The following RXRG variants were observed in gnomAD, a reference collection of about 807,000 sequenced individuals.
RXRG encodes the protein retinoic acid receptor RXR-gamma.
In RXRG, 19 loss-of-function variants were observed where a neutral mutation model predicts 49.2. The ratio of observed to expected loss-of-function variants is 0.39; its 90% CI spans 0.27 to 0.57. The LOEUF (loss-of-function observed/expected upper bound fraction) is 0.57. Ranked by LOEUF, RXRG falls within the 20% of genes least tolerant of loss-of-function variation. RXRG has a pLI of 0.64. For missense variants in RXRG, 452 were observed against 592.5 expected, an observed-to-expected ratio of 0.76 and a Z score of 2.46; for synonymous variants, 224 against 216.6, an observed-to-expected ratio of 1.03 and a Z score of -0.30.
At chr1:165,434,280 A>ATGTGTGTGTGTGTGTGTGTGTG (rs57708987) in intron 1 of RXRG, among the ~76,000 whole-genome samples, 11 of 131,098 alleles carry the variant, frequency 8.4e-5, no homozygotes, top group African/African-American at 2.3e-4. Context: ...GCATGTGTGT[A>ATGTGTGTGTGTGTGTGTGTGTG]TGTGTGTGTG....
At chr1:165,421,625 G>A (rs1057213325) in intron 2 of RXRG, among the ~76,000 whole-genome samples, 2 of 151,218 alleles carry the variant, frequency 1.3e-5, no homozygotes. Flanking sequence ...CACCTCCCTG[G>A]TTCAAGCAAT....
At chr1:165,414,071 C>T (rs369853365) in intron 4 of RXRG, among the ~76,000 whole-genome samples, 6 of 152,248 alleles carry the variant, frequency 3.9e-5, no homozygotes, top group Non-Finnish European at 5.9e-5. Context: ...GAAATGATGG[C>T]GGTGGACAGG....
chr1:165,431,568 T>G (rs1026500718), intron 1 of RXRG, among the ~76,000 whole-genome samples: 1 of 152,220 alleles, frequency 6.6e-6, no homozygotes, highest in Non-Finnish European at 1.5e-5. Context: ...GGAAATTGAC[T>G]TTTCCTTCTT....
chr1:165,402,052 C>A (rs1231533153), intron 9 of RXRG, among the ~76,000 whole-genome samples: 1 of 151,924 alleles, frequency 6.6e-6, no homozygotes, highest in African/African-American at 2.4e-5. Flanking sequence ...CCACAGTCAC[C>A]AAATTTTTGT....
chr1:165,423,414 A>G (rs1290921510), intron 2 of RXRG, among the ~76,000 whole-genome samples: 2 of 152,166 alleles, frequency 1.3e-5, no homozygotes, highest in Non-Finnish European at 2.9e-5. Context: ...CCAGGGACCA[A>G]TTCATTCTGC....
chr1:165,412,676 T>C (rs1252931218), intron 4 of RXRG, among the ~76,000 whole-genome samples: 1 of 152,156 alleles, frequency 6.6e-6, no homozygotes, highest in Non-Finnish European at 1.5e-5. Flanking sequence ...TCAATACAAA[T>C]AGTTATTTCC....
chr1:165,411,699 C>A (rs1657955437), intron 4 of RXRG, among the ~76,000 whole-genome samples: 2 of 152,160 alleles, frequency 1.3e-5, no homozygotes, highest in Admixed American at 1.3e-4. Context: ...ATTTCAGAAT[C>A]AGTGGCTCAT....
intron 1 of RXRG, among the ~76,000 whole-genome samples, chr1:165,443,613 G>A (rs1659071063): frequency 1.3e-5 from 2 of 152,288 alleles, no homozygotes; most frequent in South Asian, 2.1e-4. Context: ...GTCCCAAAGG[G>A]CAGAGACTGT....
intron 2 of RXRG, 100 bp downstream of exon 2, chr1:165,428,619 A>G: frequency 1.4e-6 from 2 of 1,379,324 alleles, no homozygotes; most frequent in Non-Finnish European, 2.0e-6. Context: ...TTTGGCAAGC[A>G]CGCATTATGG....
Position 165,419,914 on chromosome 1 carries a change from G to T in RXRG, c.398C>A (p.Ser133Tyr), listed in dbSNP as rs755325790. ...GATGGCACAGATGTGTTTAACCAGA[G>T]ATCCGGGGCTGGTGGATGGGTAGTT... ...NMNYPSTSPG[S>Y]LVKHICAICG... The change falls in exon 3 of 10, where the codon TCT becomes TAT. Residue 133 changes from serine (S) to tyrosine (Y), a missense_variant. Coordinates refer to ENST00000359842, the MANE Select transcript of RXRG (RefSeq NM_006917.5). The T allele has an allele frequency of 1.7e-5, 28 of 1,613,542 alleles. No individual in the cohort carries two copies. Among genetic ancestry groups the T allele is most frequent in the Non-Finnish European group, 2.4e-5 (28 of 1,179,694 alleles).
intron 3 of RXRG, 55 bp downstream of exon 3, chr1:165,419,815 G>T (rs1378209221): frequency 6.2e-6 from 9 of 1,449,738 alleles, no homozygotes; most frequent in African/African-American, 5.7e-5. Context: ...CAGGCAGACA[G>T]TGAGCAGCCC....
At chr1:165,422,307 A>C (rs1401391198) in intron 2 of RXRG, among the ~76,000 whole-genome samples, 1 of 152,226 alleles carries the variant, frequency 6.6e-6, no homozygotes, top group East Asian at 1.9e-4. Context: ...TTGAGCCTTA[A>C]AGTGGGTTTA....
At chr1:165,417,589 C>A (rs1190264800) in intron 3 of RXRG, among the ~76,000 whole-genome samples, 2 of 152,106 alleles carry the variant, frequency 1.3e-5, no homozygotes, top group Non-Finnish European at 2.9e-5. Context: ...ATATGCTTGT[C>A]ACGTATTACC....
At chr1:165,411,832 G>A (rs1245650190) in intron 4 of RXRG, among the ~76,000 whole-genome samples, 2 of 152,172 alleles carry the variant, frequency 1.3e-5, no homozygotes, top group Admixed American at 1.3e-4. Context: ...CTATACATTA[G>A]GATTGAAAGC....
chr1:165,409,706 G>A lies in RXRG; in HGVS notation c.914-16C>T. ...TCATTCCACCCTGCAAGGATAAGGA[G>A]GAGGTCTTGAGGGAAAACAGAACAC... On this transcript the variant is annotated splice_polypyrimidine_tract_variant and intron_variant, in intron 6 of 9. Coordinates refer to ENST00000359842, the MANE Select transcript of RXRG (RefSeq NM_006917.5). The A allele has an allele frequency of 6.8e-7, 1 of 1,473,680 alleles. No homozygotes were observed. Among genetic ancestry groups the A allele is most frequent in the Non-Finnish European group, 9.0e-7 (1 of 1,109,840 alleles). The allele number at this position is 1,473,680 out of a possible 1,614,324, so 91.3% of individuals were successfully genotyped here.
intron 1 of RXRG, among the ~76,000 whole-genome samples, chr1:165,430,652 C>T (rs1385605749): frequency 1.3e-5 from 2 of 152,222 alleles, no homozygotes; most frequent in African/African-American, 2.4e-5. Flanking sequence ...GTACCACAAT[C>T]AAGGAGAAAA....
At position 165,424,736 on chromosome 1, in the gene RXRG, C is replaced by G. The variant is rs375998152; in HGVS notation, c.297+3983G>C. The G allele has an allele frequency of 5.7e-5, 56 of 981,994 alleles. No individual in the cohort carries two copies. The East Asian group carries it at 2.6e-3, about 46-fold the overall frequency. 60.8% of individuals were successfully genotyped at this position (981,994 alleles called of 1,614,324 possible). ...AGACACTTCCTCCTCCCTTCACCCC[C>G]CAAATTGTACTTACGCGAGAACCAG... On this transcript the variant is annotated intron_variant, in intron 2 of 9. Transcript: ENST00000359842.
At position 165,407,024 on chromosome 1, in the gene RXRG, G is replaced by GT. The variant is rs1557909592; in HGVS notation, c.1139-108_1139-107insA. 9.7e-6 allele frequency: 7 copies of GT among 719,766 alleles called. No homozygotes were observed. The African/African-American group carries it at 1.2e-4, about 13-fold the overall frequency. The allele number at this position is 719,766 out of a possible 1,614,324, so 44.6% of individuals were successfully genotyped here. ...GAGTTACTAGAGACACCCTGGATGG[G>GT]GACAAGTGTGAAATAAACAAAGCTG... is the stretch of plus-strand genomic sequence containing the variant. On this transcript the variant is annotated intron_variant, in intron 8 of 9. Coordinates refer to ENST00000359842, the MANE Select transcript of RXRG (RefSeq NM_006917.5).
At chr1:165,418,110 CAAAAAAAAAAA>C (rs57782668) in intron 3 of RXRG, among the ~76,000 whole-genome samples, 11 of 73,856 alleles carry the variant, frequency 1.5e-4, no homozygotes, top group African/African-American at 4.3e-4. Flanking sequence ...GATCCCGTCT[CAAAAAAAAAAA>C]AAAAAAAAAA....
Sources: allele counts gnomAD v4.1 joint callset (sites outside exome capture counted in the v4.1 genomes callset), GRCh38; gene constraint gnomAD v4.1.1; transcripts MANE v1.5; gene names NCBI Gene and HGNC (gene_info 2026-07-23, HGNC 2026-07-21).